ZCCHC8: variants seen among roughly 807,000 people sequenced by gnomAD.
ZCCHC8 encodes zinc finger CCHC-type containing 8.
In ZCCHC8, 27 loss-of-function variants were observed where a neutral mutation model predicts 70.6. That is an observed-to-expected ratio of 0.38 (90% CI 0.28 to 0.53). ZCCHC8 has a LOEUF of 0.53. Ranked by LOEUF, ZCCHC8 falls within the 20% of genes least tolerant of loss-of-function variation. The pLI is 0.81. For synonymous variants in ZCCHC8, 293 were observed against 317.4 expected, an observed-to-expected ratio of 0.92 and a Z score of 0.82; for missense variants, 737 against 876.9, an observed-to-expected ratio of 0.84 and a Z score of 2.01.
At chr12:122,490,418 A>C (rs956453772) in intron 4 of ZCCHC8, 44 bp downstream of exon 4, 2 of 1,458,118 alleles carry the variant, frequency 1.4e-6, no homozygotes, top group Non-Finnish European at 1.9e-6. Context: ...TTGGCAGTGA[A>C]ACGCATAACT....
In ZCCHC8 at chr12:122,483,344, C is replaced by T. The variant is rs371895382; in HGVS notation, c.606G>A (p.Lys202=). Residue 202 remains lysine (K), a splice_region_variant and synonymous_variant, in exon 7 of 14, where the codon AAG becomes AAA. Transcript: ENST00000633063. The surrounding 1 kb of genome is among the most constrained non-coding windows in gnomAD (Gnocchi z 4.4). ...PQLSEGWEIP[K]YHQVFSHIVS... is the part of the protein sequence containing the mutation. The stretch of plus-strand genomic sequence containing the variant: ...CAATGTGGCTGAAGACTTGATGGTA[C>T]CTTTAGTGAATTTTATTAAGGAATA... The T allele has an allele frequency of 9.5e-5, 152 of 1,593,648 alleles. No individual in the cohort carries two copies. Among genetic ancestry groups the T allele is most frequent in the Non-Finnish European group, 1.2e-4 (141 of 1,168,902 alleles).
In ZCCHC8 at chr12:122,498,880, G is replaced by A; in HGVS notation, c.200-11C>T. The A allele has an allele frequency of 6.2e-7, 1 of 1,611,610 alleles. No individual in the cohort carries two copies. Among genetic ancestry groups the A allele is most frequent in the Non-Finnish European group, 8.5e-7 (1 of 1,178,196 alleles). ...GTTTAAGTTCTTGATGTTATTATTTGTTAAGGAAGATAAGCCCTCATTTAA... is the reference window on the plus strand; with the variant it reads ...GTTTAAGTTCTTGATGTTATTATTTATTAAGGAAGATAAGCCCTCATTTAA... On this transcript the variant is annotated splice_polypyrimidine_tract_variant and intron_variant, in intron 1 of 13. Transcript: ENST00000633063.
Position 122,481,661 on chromosome 12 carries a change from C to T in ZCCHC8, c.879G>A (p.Glu293=), listed in dbSNP as rs769184093. ...TCACACCTAGTGCATCTTGAAGTTC[C>T]TCACTAAGTAAAAATAAAGGAGGAA... is the stretch of plus-strand genomic sequence containing the variant. ...FGRFKPGVIS[E]ELQDALGVTD... Residue 293 remains glutamate, a synonymous_variant, in exon 10 of 14, where the codon GAG becomes GAA. Transcript: ENST00000633063. 8.2e-5 allele frequency: 132 copies of T among 1,610,274 alleles called. No homozygotes were observed. The East Asian group carries it at 2.9e-3, about 35-fold the overall frequency.
chr12:122,473,706 C>T lies in ZCCHC8; in HGVS notation c.1915G>A (p.Gly639Ser). The change falls in exon 14 of 14, where the codon GGC becomes AGC. Residue 639 changes from glycine to serine, a missense_variant. Gly to Ser is a moderately conservative substitution (Grantham distance 56). Transcript: ENST00000633063. ...TCTGCAGGAAAGAGCTTCTGGCTGC[C>T]CCCATTGCTGATGTCACAGTTTGGT... is the stretch of plus-strand genomic sequence containing the variant. ...VVPNCDISNG[G>S]SQKLFPADTS... The T allele has an allele frequency of 1.2e-6, 2 of 1,613,944 alleles. No homozygotes were observed. Among genetic ancestry groups the T allele is most frequent in the Non-Finnish European group, 1.7e-6 (2 of 1,179,882 alleles).
chr12:122,480,473 CTTTTT>C (rs63098963), intron 10 of ZCCHC8, 162 bp from the exon 11 acceptor site: 5 of 331,924 alleles, frequency 1.5e-5, no homozygotes, highest in East Asian at 5.5e-5. Context: ...TAGGACAGAA[CTTTTT>C]TTTTTTTTTT....
At chr12:122,484,604 G>A (rs890913734) in intron 5 of ZCCHC8, among the ~76,000 whole-genome samples, 5 of 151,488 alleles carry the variant, frequency 3.3e-5, no homozygotes, top group Admixed American at 3.3e-4. Flanking sequence ...TGTTGTCCAG[G>A]CTGGTCTTAA....
At position 122,492,769 on chromosome 12, in the gene ZCCHC8, G is replaced by T; in HGVS notation, c.263C>A (p.Thr88Asn). ...TRPSGILVND[T>N]KLDGPILQIL... ...CTGTAATATAGGTCCATCTAACTTA[G>T]TATCGTTCACCAATATTCCACTAAA... The change falls in exon 3 of 14, where the codon ACT (threonine) becomes AAT (asparagine). Residue 88 changes from threonine to asparagine, a missense_variant. Transcript: ENST00000633063. The T allele has an allele frequency of 1.3e-6, 2 of 1,546,736 alleles. No individual in the cohort carries two copies. The highest frequency in any genetic ancestry group is 8.8e-7 in the Non-Finnish European group (1 of 1,140,328).
intron 3 of ZCCHC8, 34 bp from the exon 4 acceptor site, chr12:122,490,601 C>G (rs768583009): frequency 3.0e-6 from 4 of 1,341,366 alleles, no homozygotes; most frequent in Non-Finnish European, 4.2e-6. Context: ...AGAACCCAGA[C>G]AGAGTAAAAC....
At chr12:122,495,847 C>CAAAAAAAA (rs538311699) in intron 2 of ZCCHC8, among the ~76,000 whole-genome samples, 10 of 78,312 alleles carry the variant, frequency 1.3e-4, no homozygotes, top group South Asian at 4.3e-4. Flanking sequence ...CACTCTGTCT[C>CAAAAAAAA]AAAAAAAAAA....
Position 122,473,463 on chromosome 12 carries a change from G to A in ZCCHC8, c.*34C>T. ...AATTAGTACTAATTAACGGAACAAA[G>A]TTATTAAATAGCTCTCAGTGCTAAG... is the stretch of plus-strand genomic sequence containing the variant. On this transcript the variant is annotated 3_prime_UTR_variant, in exon 14 of 14. Transcript: ENST00000633063. The A allele has an allele frequency of 6.9e-6, 11 of 1,595,918 alleles. No homozygotes were observed. The highest frequency in any genetic ancestry group is 9.4e-6 in the Non-Finnish European group (11 of 1,170,538).
At chr12:122,491,303 C>A (rs891901860) in intron 3 of ZCCHC8, among the ~76,000 whole-genome samples, 1 of 152,106 alleles carries the variant, frequency 6.6e-6, no homozygotes, top group Admixed American at 6.5e-5. Flanking sequence ...TGTAGATGGG[C>A]AGATCACTTG....
In ZCCHC8 at chr12:122,483,380, T is replaced by A; in HGVS notation, c.606-36A>T. ...TTTTATTAAGGAATAGTTATCATGGTCTGCAAAATTTGGAAATTGTTTTAA... is the reference window on the plus strand; with the variant it reads ...TTTTATTAAGGAATAGTTATCATGGACTGCAAAATTTGGAAATTGTTTTAA... On this transcript the variant is annotated intron_variant, in intron 6 of 13. Coordinates refer to ENST00000633063, the MANE Select transcript of ZCCHC8 (RefSeq NM_017612.5). This position sits in a 1 kb window ranked among gnomAD's most constrained non-coding sequence, Gnocchi z 4.4. 1 of 1,574,860 alleles carries A rather than the reference T, an allele frequency of 6.3e-7. No homozygotes were observed. The highest frequency in any genetic ancestry group is 8.6e-7 in the Non-Finnish European group (1 of 1,158,286).
intron 10 of ZCCHC8, chr12:122,481,097 A>T (rs1957524195): frequency 6.5e-6 from 1 of 152,872 alleles, no homozygotes; most frequent in Non-Finnish European, 1.5e-5. Flanking sequence ...TGATACAAAA[A>T]GATTCTTGTA....
In ZCCHC8 at chr12:122,500,619, G is replaced by T. The variant is rs1957910960; in HGVS notation, c.199+23C>A. Reference sequence around the variant, plus strand: ...CCCCGGCCCCACACCCGGGTGACAGGGCCCAGCGAGAGGAAAGGATATTCT... The same window carrying T: ...CCCCGGCCCCACACCCGGGTGACAGTGCCCAGCGAGAGGAAAGGATATTCT... On this transcript the variant is annotated intron_variant, in intron 1 of 13. Coordinates refer to ENST00000633063, the MANE Select transcript of ZCCHC8 (RefSeq NM_017612.5). The surrounding 1 kb of genome is among the most constrained non-coding windows in gnomAD (Gnocchi z 4.8). 1.9e-6 allele frequency: 3 copies of T among 1,547,038 alleles called. No homozygotes were observed. Among genetic ancestry groups the T allele is most frequent in the Non-Finnish European group, 2.6e-6 (3 of 1,148,246 alleles).
At chr12:122,497,524 A>G (rs1163318640) in intron 2 of ZCCHC8, among the ~76,000 whole-genome samples, 3 of 152,190 alleles carry the variant, frequency 2.0e-5, no homozygotes, top group African/African-American at 7.2e-5. Context: ...CCTGGGAAAC[A>G]GAGTAACACT....
intron 9 of ZCCHC8, 45 bp downstream of exon 9, chr12:122,481,900 C>T: frequency 6.3e-7 from 1 of 1,589,944 alleles, no homozygotes; most frequent in Non-Finnish European, 8.6e-7. Flanking sequence ...ATTCCAAATG[C>T]TAGGGAAATA....
intron 13 of ZCCHC8, among the ~76,000 whole-genome samples, chr12:122,477,019 C>T (rs886986079): frequency 2.0e-5 from 3 of 150,986 alleles, no homozygotes; most frequent in African/African-American, 7.3e-5. Flanking sequence ...AACTCTGTCT[C>T]GAAAAACAAC....
At chr12:122,480,104 G>A (rs1164296089) in intron 11 of ZCCHC8, 86 bp downstream of exon 11, 26 of 1,277,312 alleles carry the variant, frequency 2.0e-5, no homozygotes, top group Admixed American at 4.2e-5. Flanking sequence ...GAGCCACTAT[G>A]CCTAGCCAAC....
At chr12:122,481,092 C>CA (rs1189069881) in intron 10 of ZCCHC8, 1 of 152,682 alleles carries the variant, frequency 6.5e-6, no homozygotes, top group Non-Finnish European at 1.5e-5. Flanking sequence ...TTCAATGATA[C>CA]AAAAAGATTC....
Sources: allele counts gnomAD v4.1 joint callset (sites outside exome capture counted in the v4.1 genomes callset), GRCh38; gene constraint gnomAD v4.1.1; non-coding constraint Gnocchi (gnomAD v3.1); transcripts MANE v1.5; gene names NCBI Gene and HGNC (gene_info 2026-07-23, HGNC 2026-07-21).